NAP1L1: variants seen among roughly 807,000 people sequenced by gnomAD.
NAP1L1 encodes nucleosome assembly protein 1 like 1, also known as nucleosome assembly protein 1-like 1.
A neutral mutation model predicts 58.9 loss-of-function variants in NAP1L1; 9 were observed. The observed-to-expected ratio is 0.15, with a 90% CI of 0.09 to 0.27. The LOEUF is 0.27. Ranked by LOEUF, NAP1L1 falls within the 10% of genes least tolerant of loss-of-function variation. The probability of loss-of-function intolerance (pLI) is 1.00; values close to 1 mark genes in which losing one functional copy is unlikely to be tolerated. For missense variants in NAP1L1, 302 were observed against 458.8 expected (o/e 0.66, Z 3.12); for synonymous variants, 130 against 138.3 (o/e 0.94, Z 0.42).
At chr12:76,054,141 T>C (rs1171430994) in intron 8 of NAP1L1, among the ~76,000 whole-genome samples, 2 of 152,186 alleles carry the variant, frequency 1.3e-5, no homozygotes, top group Non-Finnish European at 2.9e-5. Flanking sequence ...GTGATTCTGG[T>C]GCGCCAGCCT....
chr12:76,041,302 A>T lies in NAP1L1; in HGVS notation c.*7127T>A, dbSNP rs1948548342. The T allele has an allele frequency of 6.6e-6, 1 of 152,258 alleles. No individual in the cohort carries two copies. The highest frequency in any genetic ancestry group is 2.1e-4 in the South Asian group (1 of 4,836). 9.4% of individuals were successfully genotyped at this position (152,258 alleles called of 1,614,324 possible). ...CACAGTGCTGGAAATTAGGAAACTC[A>T]TTAATAAGCAAGTGTTTCTAGAGTA... is the stretch of plus-strand genomic sequence containing the variant. On this transcript the variant is annotated 3_prime_UTR_variant, in exon 15 of 15. Transcript: ENST00000618691.
intron 1 of NAP1L1, among the ~76,000 whole-genome samples, chr12:76,082,551 G>C (rs865931209): frequency 1.3e-5 from 2 of 152,304 alleles, no homozygotes; most frequent in African/African-American, 4.8e-5. Context: ...TTGACTTGGA[G>C]AATCTATGAA....
At chr12:76,064,425 A>G (rs1190749157) in intron 4 of NAP1L1, among the ~76,000 whole-genome samples, 1 of 152,182 alleles carries the variant, frequency 6.6e-6, no homozygotes, top group Non-Finnish European at 1.5e-5. Context: ...AGATCTTCAC[A>G]CTCAACATTT....
At chr12:76,049,578 T>A in intron 13 of NAP1L1, 178 bp downstream of exon 13, 1 of 1,528,174 alleles carries the variant, frequency 6.5e-7, no homozygotes, top group Non-Finnish European at 8.8e-7. Context: ...AGTTTTGCAA[T>A]TTATTTATTG....
At position 76,049,110 on chromosome 12, in the gene NAP1L1, C is replaced by CT. The variant is rs149565914; in HGVS notation, c.1140+89dup. On this transcript the variant is annotated intron_variant, in intron 14 of 14. Coordinates refer to ENST00000618691, the MANE Select transcript of NAP1L1 (RefSeq NM_004537.7). ...GTCAATAGGCTTTATTTATTAAAGA[C>CT]TTTAACGGAGAGAAACTTGATATTC... is the stretch of plus-strand genomic sequence containing the variant. 2.0e-3 allele frequency: 2,708 copies of CT among 1,322,426 alleles called. 33 individuals carry two copies. In the African/African-American group the frequency reaches 0.034, roughly 17 times the overall value. The allele number at this position is 1,322,426 out of a possible 1,614,324, so 81.9% of individuals were successfully genotyped here.
At chr12:76,050,417 C>T in intron 12 of NAP1L1, 114 bp downstream of exon 12, 1 of 1,306,464 alleles carries the variant, frequency 7.7e-7, no homozygotes, top group Non-Finnish European at 1.0e-6. Context: ...CAGTAATTAG[C>T]CTAATTTTGA....
chr12:76,049,674 A>G, intron 13 of NAP1L1, 82 bp downstream of exon 13: 1 of 1,568,392 alleles, frequency 6.4e-7, no homozygotes, highest in Non-Finnish European at 8.7e-7. Context: ...GAATGATTAT[A>G]GCAAAGGAAT....
intron 3 of NAP1L1, 93 bp from the exon 4 acceptor site, chr12:76,067,566 C>A (rs1047737735): frequency 1.9e-5 from 19 of 1,001,132 alleles, no homozygotes; most frequent in Non-Finnish European, 2.5e-5. Context: ...GTTTTCCTAA[C>A]TGGCCCATAA....
intron 4 of NAP1L1, among the ~76,000 whole-genome samples, chr12:76,062,580 C>T (rs1949467234): frequency 6.6e-6 from 1 of 152,130 alleles, no homozygotes; most frequent in African/African-American, 2.4e-5. Context: ...AAATCTACAA[C>T]AGACTGGGAA....
At chr12:76,065,376 C>T (rs150251970) in intron 4 of NAP1L1, among the ~76,000 whole-genome samples, 2,774 of 151,634 alleles carry the variant, frequency 0.018, 44 homozygotes, top group Non-Finnish European at 0.023. Context: ...AGTGAAAGTC[C>T]TGGTAATGTT....
At chr12:76,060,728 T>C (rs1251486367) in intron 4 of NAP1L1, among the ~76,000 whole-genome samples, 3 of 152,162 alleles carry the variant, frequency 2.0e-5, no homozygotes, top group East Asian at 3.8e-4. Flanking sequence ...CCATATTTAA[T>C]TAGGAATTAG....
At chr12:76,076,235 G>A (rs1714287122) in intron 1 of NAP1L1, among the ~76,000 whole-genome samples, 1 of 152,054 alleles carries the variant, frequency 6.6e-6, no homozygotes, top group African/African-American at 2.4e-5. Flanking sequence ...TTTCTTGGTT[G>A]TACACACACT....
At chr12:76,053,494 T>A (rs1948935879) in intron 9 of NAP1L1, 144 bp from the exon 10 acceptor site, 1 of 987,130 alleles carries the variant, frequency 1.0e-6, no homozygotes, top group Non-Finnish European at 1.5e-6. Context: ...AAGGGAAAAA[T>A]TTTATTTCTA....
At chr12:76,061,512 G>C (rs1052998289) in intron 4 of NAP1L1, among the ~76,000 whole-genome samples, 6 of 152,296 alleles carry the variant, frequency 3.9e-5, no homozygotes, top group Admixed American at 3.3e-4. Flanking sequence ...TTCTGTATCA[G>C]ATCTGTCACT....
At chr12:76,076,573 TATATATATATATA>T (rs1950187794) in intron 1 of NAP1L1, among the ~76,000 whole-genome samples, 1 of 128,514 alleles carries the variant, frequency 7.8e-6, no homozygotes, top group African/African-American at 3.0e-5. Context: ...TATATATATA[TATATATATATATA>T]TATATATCTC....
Position 76,041,809 on chromosome 12 carries a change from G to A in NAP1L1, c.*6620C>T, listed in dbSNP as rs1565705823. 6.6e-6 allele frequency: 1 copy of A among 152,200 alleles called. No homozygotes were observed. The highest frequency in any genetic ancestry group is 1.5e-5 in the Non-Finnish European group (1 of 68,044). 9.4% of individuals were successfully genotyped at this position (152,200 alleles called of 1,614,324 possible). ...AGACACCCATGTCACATCCACACCAGTGTCAAGGCTCCAGGTAAATGTTGG... is the reference window on the plus strand; with the variant it reads ...AGACACCCATGTCACATCCACACCAATGTCAAGGCTCCAGGTAAATGTTGG... On this transcript the variant is annotated 3_prime_UTR_variant, in exon 15 of 15. Coordinates refer to ENST00000618691, the MANE Select transcript of NAP1L1 (RefSeq NM_004537.7).
chr12:76,048,203 TG>T lies in NAP1L1; in HGVS notation c.*225del. 2.2e-6 allele frequency: 1 copy of T among 451,264 alleles called. No homozygotes were observed. Among genetic ancestry groups the T allele is most frequent in the Non-Finnish European group, 3.9e-6 (1 of 255,276 alleles). 28.0% of individuals were successfully genotyped at this position (451,264 alleles called of 1,614,324 possible). A position where few individuals can be genotyped will look rare whatever the true frequency, so the allele number is the denominator to read the frequency against. ...CCAGAAGAACCAAATTATGTAGCAA[TG>T]AATGAACATGCGTGACAGAATTTGT... On this transcript the variant is annotated 3_prime_UTR_variant, in exon 15 of 15. Coordinates refer to ENST00000618691, the MANE Select transcript of NAP1L1 (RefSeq NM_004537.7).
chr12:76,053,850 T>C lies in NAP1L1; in HGVS notation c.690A>G (p.Thr230=), dbSNP rs1948951546. ...GTTCTGACCTCATCCTGTATGTCTT[T>C]GTCAGCACTTCATTTGTAAAATATT... ...PNEYFTNEVL[T]KTYRMRSEPD... is the part of the protein sequence containing the mutation. Residue 230 remains threonine, a synonymous_variant, in exon 9 of 15, where the codon ACA becomes ACG. Coordinates refer to ENST00000618691, the MANE Select transcript of NAP1L1 (RefSeq NM_004537.7). 4 of 1,592,470 alleles carry C rather than the reference T, an allele frequency of 2.5e-6. No individual in the cohort carries two copies. The highest frequency in any genetic ancestry group is 3.4e-6 in the Non-Finnish European group (4 of 1,174,750).
In NAP1L1 at chr12:76,060,169, T is replaced by C. The variant is rs1259547504; in HGVS notation, c.317A>G (p.Tyr106Cys). The change falls in exon 5 of 15, where the codon TAT becomes TGT. Residue 106 changes from tyrosine (Y) to cysteine (C), a missense_variant. Tyr to Cys is a radical substitution (Grantham distance 194). Coordinates refer to ENST00000618691, the MANE Select transcript of NAP1L1 (RefSeq NM_004537.7). ...YEEVHDLERK[Y>C]AVLYQPLFDK... Reference sequence around the variant, plus strand: ...AAATAGAGGCTGATAGAGAACAGCATACTTCCTTTCAAGATCGTGAACTTC... The same window carrying C: ...AAATAGAGGCTGATAGAGAACAGCACACTTCCTTTCAAGATCGTGAACTTC... 1 of 1,613,330 alleles carries C rather than the reference T, an allele frequency of 6.2e-7. No individual in the cohort carries two copies. Among genetic ancestry groups the C allele is most frequent in the East Asian group, 2.2e-5 (1 of 44,812 alleles).
Sources: allele counts gnomAD v4.1 joint callset (sites outside exome capture counted in the v4.1 genomes callset), GRCh38; gene constraint gnomAD v4.1.1; transcripts MANE v1.5; gene names NCBI Gene and HGNC (gene_info 2026-07-23, HGNC 2026-07-21).